Variants in STK32A observed in about 807,000 individuals in gnomAD.
STK32A encodes the protein serine/threonine-protein kinase 32A.
STK32A carries 41 observed loss-of-function variants against 53.2 expected under a neutral mutation model. The observed-to-expected ratio is 0.77, with a 90% CI of 0.60 to 1.00. The LOEUF is 1.00. Ranked by LOEUF, STK32A falls within the 50% of genes least tolerant of loss-of-function variation. STK32A has a pLI of 0.00. For synonymous variants in STK32A, 166 were observed against 162.8 expected, an observed-to-expected ratio of 1.02 and a Z score of -0.15; for missense variants, 458 against 485.8, an observed-to-expected ratio of 0.94 and a Z score of 0.54.
chr5:147,344,969 C>G (rs191187830), intron 6 of STK32A, among the ~76,000 whole-genome samples: 2 of 152,190 alleles, frequency 1.3e-5, no homozygotes, highest in African/African-American at 4.8e-5. Flanking sequence ...TCAACTTCTT[C>G]CTCCTCCTCA....
chr5:147,293,627 G>A (rs1172490343), intron 4 of STK32A, among the ~76,000 whole-genome samples: 3 of 151,844 alleles, frequency 2.0e-5, no homozygotes, highest in Non-Finnish European at 4.4e-5. Flanking sequence ...TAGCCAAAGT[G>A]ATAATTCCAA....
intron 4 of STK32A, among the ~76,000 whole-genome samples, chr5:147,282,510 G>T (rs1292119005): frequency 6.6e-6 from 1 of 152,126 alleles, no homozygotes; most frequent in East Asian, 1.9e-4. Context: ...GAATGGATAA[G>T]AACTCACCAA....
intron 6 of STK32A, among the ~76,000 whole-genome samples, chr5:147,350,361 CT>C (rs1296667347): frequency 6.6e-6 from 1 of 150,676 alleles, no homozygotes; most frequent in African/African-American, 2.4e-5. Context: ...TTGCCTCTTA[CT>C]TTTCTTTTCT....
intron 4 of STK32A, among the ~76,000 whole-genome samples, chr5:147,309,634 G>A (rs916292748): frequency 6.6e-6 from 1 of 152,116 alleles, no homozygotes; most frequent in African/African-American, 2.4e-5. Context: ...ACTCAAGAAG[G>A]AAATTCTTGG....
At chr5:147,380,722 A>G (rs1476911050) in intron 11 of STK32A, among the ~76,000 whole-genome samples, 1 of 152,200 alleles carries the variant, frequency 6.6e-6, no homozygotes, top group East Asian at 1.9e-4. Flanking sequence ...GTCACAAATA[A>G]AGAAGGCTCT....
chr5:147,289,012 T>G (rs1334722687), intron 4 of STK32A, among the ~76,000 whole-genome samples: 3 of 152,172 alleles, frequency 2.0e-5, no homozygotes. Flanking sequence ...TATGACATTC[T>G]GAACTTGCCC....
intron 10 of STK32A, among the ~76,000 whole-genome samples, chr5:147,373,784 C>A (rs1175478866): frequency 1.3e-5 from 2 of 152,040 alleles, no homozygotes; most frequent in Admixed American, 6.6e-5. Flanking sequence ...GACTGATAAC[C>A]AAAGACATAT....
intron 4 of STK32A, among the ~76,000 whole-genome samples, chr5:147,307,370 C>G (rs1038919805): frequency 6.6e-6 from 1 of 151,986 alleles, no homozygotes; most frequent in Non-Finnish European, 1.5e-5. Context: ...CTTGTAATCC[C>G]AGCACTGTGG....
In STK32A at chr5:147,278,215, G is replaced by T. The variant is rs776932430; in HGVS notation, c.108+36G>T. 1.2e-5 allele frequency: 19 copies of T among 1,553,740 alleles called. No homozygotes were observed. The African/African-American group carries it at 2.3e-4, about 19-fold the overall frequency. ...ATTGAAATGATTAACCACCAGCAGG[G>T]TTATGTAGCCCAGGGAACAGAGGGT... On this transcript the variant is annotated intron_variant, in intron 3 of 12. Transcript: ENST00000397936.
chr5:147,372,495 T>G (rs896835231), intron 9 of STK32A, among the ~76,000 whole-genome samples: 1 of 151,968 alleles, frequency 6.6e-6, no homozygotes, highest in African/African-American at 2.4e-5. Context: ...ACAGCCCTGC[T>G]TCACTCCACA....
chr5:147,259,700 CCT>C (rs1302719050), intron 2 of STK32A, among the ~76,000 whole-genome samples: 1 of 151,986 alleles, frequency 6.6e-6, no homozygotes, highest in East Asian at 1.9e-4. Context: ...TCTTTCTTTC[CCT>C]CTCTGACTTT....
At chr5:147,390,177 G>T (rs1757762866), downstream of STK32A, among the ~76,000 whole-genome samples, 1 of 152,172 alleles carries the variant, frequency 6.6e-6, no homozygotes. Flanking sequence ...CTAAAAGATG[G>T]GATGGGATAG....
intron 5 of STK32A, among the ~76,000 whole-genome samples, chr5:147,324,714 G>C (rs1368058048): frequency 6.6e-6 from 1 of 152,128 alleles, no homozygotes; most frequent in Admixed American, 6.5e-5. Context: ...GAAATAACCT[G>C]AGATAAATGA....
Position 147,318,487 on chromosome 5 carries a change from G to A in STK32A, c.261-5411G>A, listed in dbSNP as rs557341406. Reference sequence around the variant, plus strand: ...TTGCAATGAAATTATAGGGCAACAAGGGTGTGGTGGCTCTTGTCTGTAATT... The same window carrying A: ...TTGCAATGAAATTATAGGGCAACAAAGGTGTGGTGGCTCTTGTCTGTAATT... On this transcript the variant is annotated intron_variant, in intron 4 of 12. Coordinates refer to ENST00000397936, the MANE Select transcript of STK32A (RefSeq NM_001112724.2). Among the ~76,000 whole-genome samples, 206 of 151,996 alleles carry A rather than the reference G, an allele frequency of 1.4e-3. 1 individual carries two copies. The highest frequency in any genetic ancestry group is 4.8e-3 in the African/African-American group (200 of 41,454).
At chr5:147,381,130 A>G (rs1025464242) in intron 11 of STK32A, among the ~76,000 whole-genome samples, 8 of 152,176 alleles carry the variant, frequency 5.3e-5, no homozygotes, top group African/African-American at 1.9e-4. Context: ...ATCTGGAAAC[A>G]TCTTAGTTTC....
chr5:147,337,485 T>G (rs1380478819), intron 5 of STK32A, among the ~76,000 whole-genome samples: 1 of 152,182 alleles, frequency 6.6e-6, no homozygotes, highest in African/African-American at 2.4e-5. Context: ...TTGGTTGTTT[T>G]GCTTTGTTTT....
chr5:147,332,670 C>T (rs537849440), intron 5 of STK32A, among the ~76,000 whole-genome samples: 19 of 152,178 alleles, frequency 1.2e-4, no homozygotes, highest in East Asian at 1.2e-3. Context: ...CAAGCCCTTG[C>T]AAATGTTCTC....
In STK32A at chr5:147,259,496, G is replaced by A. The variant is rs531275842; in HGVS notation, c.53-18628G>A. Among the ~76,000 whole-genome samples the A allele has an allele frequency of 6.6e-5, 10 of 151,804 alleles. No homozygotes were observed. The East Asian group carries it at 1.4e-3, about 21-fold the overall frequency. ...GGTACTGGAGTGTTATAGGGTCACC[G>A]AGAAGACCTTCGATTATCAGTTATA... On this transcript the variant is annotated intron_variant, in intron 2 of 12. Transcript: ENST00000397936.
rs771093345 is a variant in STK32A at position 147,361,631 on chromosome 5, TC to T, written c.660+19del. ...AGAGGCCGGGTACTGTAGTAGCATT[TC>T]CTCTTTGGTTATTTTTCCAGCAAGT... On this transcript the variant is annotated intron_variant, in intron 8 of 12. Transcript: ENST00000397936. 23 of 1,537,910 alleles carry T rather than the reference TC, an allele frequency of 1.5e-5. 1 individual carries two copies. In the African/African-American group the frequency reaches 3.1e-4, roughly 21 times the overall value.
Sources: allele counts gnomAD v4.1 joint callset (sites outside exome capture counted in the v4.1 genomes callset), GRCh38; gene constraint gnomAD v4.1.1; transcripts MANE v1.5; gene names NCBI Gene and HGNC (gene_info 2026-07-23, HGNC 2026-07-21).